COL4A2: variants seen among roughly 807,000 people sequenced by gnomAD.
COL4A2 encodes collagen alpha-2(IV) chain.
In COL4A2, 99 loss-of-function variants were observed where a neutral mutation model predicts 200.2. The observed-to-expected ratio is 0.49, with a 90% confidence interval of 0.42 to 0.58. COL4A2 has a LOEUF of 0.58. COL4A2 is among the 20% of genes least tolerant of loss of function. The pLI, the probability that COL4A2 is intolerant of heterozygous loss-of-function variation, is 0.00. For missense variants in COL4A2, 1,950 were observed against 2,314.1 expected, an observed-to-expected ratio of 0.84 and a Z score of 3.23; for synonymous variants, 897 against 900.6, an observed-to-expected ratio of 1.00 and a Z score of 0.07.
intron 29 of COL4A2, among the ~76,000 whole-genome samples, chr13:110,474,659 CACATGA>C (rs1882609822): frequency 2.7e-5 from 4 of 148,314 alleles, no homozygotes; most frequent in Non-Finnish European, 3.0e-5. Flanking sequence ...TGCATGCTCA[CACATGA>C]TCACACTCCT....
chr13:110,509,245 T>TTATATATATATATATATATATATATATA (rs374846915), intron 47 of COL4A2, among the ~76,000 whole-genome samples: 2 of 71,990 alleles, frequency 2.8e-5, no homozygotes, highest in South Asian at 7.3e-4. Flanking sequence ...ATTTCATAAA[T>TTATATATATATATATATATATATATATA]TATATATATA....
intron 40 of COL4A2, among the ~76,000 whole-genome samples, chr13:110,498,655 G>A (rs1252987751): frequency 2.0e-5 from 3 of 152,196 alleles, no homozygotes; most frequent in Non-Finnish European, 4.4e-5. Context: ...CAAAATGCTT[G>A]TCCCTGAGTA....
At chr13:110,404,908 G>C (rs1320113025) in intron 4 of COL4A2, among the ~76,000 whole-genome samples, 1 of 152,172 alleles carries the variant, frequency 6.6e-6, no homozygotes, top group Non-Finnish European at 1.5e-5. Flanking sequence ...GAAGCAGGTG[G>C]ATCACTTGAG....
chr13:110,315,970 GT>G (rs3832899), intron 3 of COL4A2, among the ~76,000 whole-genome samples: 14,215 of 151,448 alleles, frequency 0.094, 1,166 homozygotes, highest in East Asian at 0.38. Context: ...CTTACTGTGG[GT>G]TTTTTTTTCC....
At chr13:110,379,676 C>T (rs1177479558) in intron 4 of COL4A2, among the ~76,000 whole-genome samples, 3 of 152,166 alleles carry the variant, frequency 2.0e-5, no homozygotes, top group Non-Finnish European at 2.9e-5. Context: ...GACCCCCATT[C>T]GGAAGTGCGG....
chr13:110,398,041 G>A (rs1015898168), intron 4 of COL4A2, among the ~76,000 whole-genome samples: 18 of 151,884 alleles, frequency 1.2e-4, no homozygotes, highest in Non-Finnish European at 2.9e-5. Context: ...ATTACATTTT[G>A]AAGGGCTTTG....
intron 4 of COL4A2, among the ~76,000 whole-genome samples, chr13:110,396,966 A>G (rs1183501116): frequency 2.0e-5 from 3 of 152,226 alleles, no homozygotes; most frequent in African/African-American, 7.2e-5. Context: ...ACTGAATTCC[A>G]CAAGGCTTGA....
At chr13:110,367,226 C>T (rs879487213) in intron 4 of COL4A2, among the ~76,000 whole-genome samples, 6 of 152,164 alleles carry the variant, frequency 3.9e-5, no homozygotes, top group African/African-American at 1.2e-4. Flanking sequence ...GGGTGAATAA[C>T]TCTTAGAGGT....
At chr13:110,478,872 G>T (rs1882792444) in intron 30 of COL4A2, among the ~76,000 whole-genome samples, 1 of 152,272 alleles carries the variant, frequency 6.6e-6, no homozygotes. Flanking sequence ...TTAATAAGGA[G>T]TTGTCTCCAT....
intron 18 of COL4A2, among the ~76,000 whole-genome samples, chr13:110,449,054 A>AAGCCTCAGCGTGACGCCCAGC (rs1269999846): frequency 8.0e-5 from 4 of 49,878 alleles, no homozygotes; most frequent in African/African-American, 2.0e-4. Flanking sequence ...GACGCCCAGC[A>AAGCCTCAGCGTGACGCCCAGC]AAGCCCTCTC....
At chr13:110,464,882 G>A (rs1882172467) in intron 24 of COL4A2, among the ~76,000 whole-genome samples, 2 of 152,116 alleles carry the variant, frequency 1.3e-5, no homozygotes, top group Non-Finnish European at 1.5e-5. Flanking sequence ...CCTGCAGCTG[G>A]TGCTTTCATC....
rs773576081 is a variant in COL4A2, at chr13:110,357,550, C to T, written c.178C>T (p.Arg60Cys). 12 of 1,578,868 alleles carry T rather than the reference C, an allele frequency of 7.6e-6. No homozygotes were observed. The highest frequency in any genetic ancestry group is 2.3e-5 in the East Asian group (1 of 43,182). Residue 60 changes from arginine to cysteine, a missense_variant and splice_region_variant, in exon 4 of 48, where the codon CGT (arginine) becomes TGT (cysteine). Coordinates refer to ENST00000360467, the MANE Select transcript of COL4A2 (RefSeq NM_001846.4). ...GCQCYPEKGG[R>C]GQPGPVGPQG... ...CCAGTGCTACCCTGAGAAAGGTGGA[C>T]GTGTAAGTCACAGCATTGCAATAAA...
chr13:110,460,174 A>C (rs1881969656), intron 22 of COL4A2, among the ~76,000 whole-genome samples: 1 of 152,162 alleles, frequency 6.6e-6, no homozygotes, highest in Non-Finnish European at 1.5e-5. Context: ...AGGAAACTTA[A>C]AGGATCTGAG....
chr13:110,320,137 G>T (rs540189898), intron 3 of COL4A2, among the ~76,000 whole-genome samples: 2 of 152,342 alleles, frequency 1.3e-5, no homozygotes, highest in East Asian at 1.9e-4. Flanking sequence ...GAAGGTTCTG[G>T]TTCTCGCATA....
At chr13:110,353,586 G>C (rs10220229) in intron 3 of COL4A2, among the ~76,000 whole-genome samples, 39,827 of 152,116 alleles carry the variant, frequency 0.26, 6,947 homozygotes, top group African/African-American at 0.5. Flanking sequence ...GAGATGCCAA[G>C]GCTCAGGTCA....
At chr13:110,436,072 T>G in intron 12 of COL4A2, 197 bp from the exon 13 acceptor site, 1 of 782,636 alleles carries the variant, frequency 1.3e-6, no homozygotes, top group Non-Finnish European at 2.2e-6. Context: ...TCTAAATGAT[T>G]GCTAATGAAA....
chr13:110,485,367 CA>C (rs1197862980), intron 33 of COL4A2, among the ~76,000 whole-genome samples: 2 of 151,750 alleles, frequency 1.3e-5, no homozygotes, highest in East Asian at 3.9e-4. Context: ...ACTAAAAATA[CA>C]AAAAAATTAG....
At chr13:110,442,234 G>A (rs985092805) in intron 16 of COL4A2, among the ~76,000 whole-genome samples, 17 of 152,310 alleles carry the variant, frequency 1.1e-4, no homozygotes, top group South Asian at 6.2e-4. Context: ...ATGGTGAGGC[G>A]TCAGGCTTTC....
chr13:110,486,592 G>A (rs1327584086), intron 34 of COL4A2, among the ~76,000 whole-genome samples: 1 of 152,208 alleles, frequency 6.6e-6, no homozygotes, highest in Non-Finnish European at 1.5e-5. Context: ...GCCCCTTGAT[G>A]TGTTTCAGTC....
Sources: gnomAD v4.1 joint callset for allele counts (sites outside exome capture counted in the v4.1 genomes callset) on GRCh38, gnomAD v4.1.1 for gene constraint, MANE v1.5 for transcripts, NCBI Gene and HGNC (gene_info 2026-07-23, HGNC 2026-07-21) for gene names.